Variants in KCNU1 observed in about 807,000 individuals in gnomAD.
The protein encoded by KCNU1 is potassium channel subfamily U member 1.
Under a neutral mutation model 126.8 loss-of-function variants are expected in KCNU1, and 93 were observed. The observed-to-expected ratio is 0.73, with a 90% CI of 0.62 to 0.87. The LOEUF (loss-of-function observed/expected upper bound fraction) is 0.87, where lower values mean the gene tolerates loss of function less well. KCNU1 is among the 40% of genes least tolerant of loss of function. KCNU1 has a pLI of 0.00. For synonymous variants in KCNU1, 523 were observed against 494.2 expected (o/e 1.06, Z -0.77); for missense variants, 1,330 against 1,367.1 (o/e 0.97, Z 0.43).
In KCNU1 at chr8:36,815,304, T is replaced by TCAAAAA. The variant is rs1418364423; in HGVS notation, c.904-274_904-269dup. 5.9e-5 allele frequency among the ~76,000 whole-genome samples: 9 copies of TCAAAAA among 152,198 alleles called. No individual in the cohort carries two copies. In the East Asian group the frequency reaches 1.2e-3, roughly 20 times the overall value. ...CCGGGAGACAGACAGAGACTCTGTC[T>TCAAAAA]CAAAAACAAAAACAAAAACAAAAGT... is the stretch of plus-strand genomic sequence containing the variant. On this transcript the variant is annotated intron_variant, in intron 8 of 26. Coordinates refer to ENST00000399881, the MANE Select transcript of KCNU1 (RefSeq NM_001031836.3).
intron 22 of KCNU1, among the ~76,000 whole-genome samples, chr8:36,917,790 C>T (rs952868045): frequency 9.2e-5 from 14 of 152,136 alleles, no homozygotes; most frequent in Non-Finnish European, 8.8e-5. Flanking sequence ...GTTTTGGGGT[C>T]GAGTCTCACA....
At chr8:36,809,050 T>C (rs1330452686) in intron 7 of KCNU1, among the ~76,000 whole-genome samples, 1 of 152,124 alleles carries the variant, frequency 6.6e-6, no homozygotes, top group Non-Finnish European at 1.5e-5. Flanking sequence ...GCTCCAAAGG[T>C]ATCAGCAATA....
chr8:36,884,024 A>G (rs1221340089), intron 19 of KCNU1, among the ~76,000 whole-genome samples: 1 of 152,188 alleles, frequency 6.6e-6, no homozygotes, highest in Non-Finnish European at 1.5e-5. Flanking sequence ...ACTTTGACCC[A>G]GAGTGACCTG....
chr8:36,879,361 G>T (rs930031089), intron 19 of KCNU1, among the ~76,000 whole-genome samples: 6 of 151,504 alleles, frequency 4.0e-5, no homozygotes, highest in Non-Finnish European at 8.8e-5. Context: ...GTACTCAGTG[G>T]TATAGCACAC....
chr8:36,805,089 A>G, intron 3 of KCNU1, 106 bp from the exon 4 acceptor site: 2 of 687,158 alleles, frequency 2.9e-6, no homozygotes, highest in Non-Finnish European at 5.0e-6. Flanking sequence ...GTCTGGATTC[A>G]TGGTGAATAA....
At chr8:36,835,038 G>T (rs774339559) in intron 12 of KCNU1, among the ~76,000 whole-genome samples, 170 bp downstream of exon 12, 3 of 152,160 alleles carry the variant, frequency 2.0e-5, no homozygotes, top group Admixed American at 6.6e-5. Context: ...CTGTGCAGAT[G>T]GATGCAAAAG....
At chr8:36,796,475 G>A (rs976960967) in intron 2 of KCNU1, among the ~76,000 whole-genome samples, 8 of 152,042 alleles carry the variant, frequency 5.3e-5, no homozygotes, top group African/African-American at 1.9e-4. Context: ...TAATTTTTTA[G>A]TTTTATTGAC....
intron 22 of KCNU1, 62 bp from the exon 23 acceptor site, chr8:36,918,761 C>A (rs1377485804): frequency 1.0e-6 from 1 of 981,734 alleles, no homozygotes; most frequent in Non-Finnish European, 1.6e-6. Flanking sequence ...TATTCTTCTA[C>A]ATTTTTGACA....
At chr8:36,888,395 C>G (rs553829341) in intron 19 of KCNU1, 3 of 365,754 alleles carry the variant, frequency 8.2e-6, no homozygotes, top group Admixed American at 7.6e-5. Flanking sequence ...CTCCCTCCCC[C>G]ACAACACCAC....
At chr8:36,879,512 G>A (rs1040708575) in intron 19 of KCNU1, among the ~76,000 whole-genome samples, 4 of 151,866 alleles carry the variant, frequency 2.6e-5, no homozygotes, top group African/African-American at 4.8e-5. Flanking sequence ...TTTGATATGC[G>A]TTGTGCTTTC....
chr8:36,852,653 C>T (rs960050095), intron 18 of KCNU1, among the ~76,000 whole-genome samples: 3 of 151,994 alleles, frequency 2.0e-5, no homozygotes, highest in East Asian at 1.9e-4. Flanking sequence ...TACATCTAAT[C>T]GTATGAGTAT....
Position 36,807,444 on chromosome 8 carries a change from A to C in KCNU1, c.650A>C (p.Lys217Thr). The change falls in exon 6 of 27, where the codon AAG becomes ACG. Residue 217 changes from lysine to threonine, a missense_variant. By Grantham distance (78) the Lys-to-Thr change is moderately conservative. This residue lies in a region of KCNU1 where 247 missense variants were observed against 255.4 expected (regional missense o/e 0.97). Coordinates refer to ENST00000399881, the MANE Select transcript of KCNU1 (RefSeq NM_001031836.3). ...ATCTTGCAAATTCTACGAGCCATCA[A>C]GACCAGGTAAATAGCCCTGACCGAA... is the stretch of plus-strand genomic sequence containing the variant. ...PQILQILRAI[K>T]TSNSVKFSKL... The C allele has an allele frequency of 6.2e-7, 1 of 1,611,544 alleles. No individual in the cohort carries two copies. Among genetic ancestry groups the C allele is most frequent in the South Asian group, 1.1e-5 (1 of 91,040 alleles).
At chr8:36,841,998 T>C (rs1189898966) in intron 16 of KCNU1, among the ~76,000 whole-genome samples, 2 of 148,016 alleles carry the variant, frequency 1.4e-5, no homozygotes, top group East Asian at 2.0e-4. Context: ...AGAAAAGGGG[T>C]GGGGCTTAAA....
intron 22 of KCNU1, among the ~76,000 whole-genome samples, chr8:36,918,458 G>A (rs1385438266): frequency 4.0e-5 from 6 of 151,620 alleles, no homozygotes; most frequent in Admixed American, 3.3e-4. Flanking sequence ...AGGAGGCTGA[G>A]GCAGCAGGAT....
intron 2 of KCNU1, among the ~76,000 whole-genome samples, chr8:36,793,565 C>T (rs572089543): frequency 5.8e-4 from 88 of 151,946 alleles, no homozygotes; most frequent in African/African-American, 2.1e-3. Flanking sequence ...TTTTTGGTTT[C>T]TTGCACCTAT....
intron 2 of KCNU1, among the ~76,000 whole-genome samples, chr8:36,788,974 A>T (rs1418787744): frequency 6.6e-6 from 1 of 152,232 alleles, no homozygotes; most frequent in African/African-American, 2.4e-5. Context: ...GACTTATTTA[A>T]TGAAGGGAAA....
At chr8:36,888,310 G>A (rs1806797667) in intron 19 of KCNU1, among the ~76,000 whole-genome samples, 1 of 152,092 alleles carries the variant, frequency 6.6e-6, no homozygotes, top group South Asian at 2.1e-4. Flanking sequence ...CACAGTAACA[G>A]AAATAGAAAA....
At chr8:36,850,559 A>C (rs1044052415) in intron 18 of KCNU1, among the ~76,000 whole-genome samples, 1 of 151,198 alleles carries the variant, frequency 6.6e-6, no homozygotes, top group African/African-American at 2.4e-5. Context: ...TGGGTTCAGG[A>C]GATCCTCCTG....
At chr8:36,798,365 G>C (rs1803182464) in intron 2 of KCNU1, among the ~76,000 whole-genome samples, 1 of 152,166 alleles carries the variant, frequency 6.6e-6, no homozygotes, top group South Asian at 2.1e-4. Context: ...GAAGAAGAAA[G>C]TCAAAATATT....
Sources: allele counts gnomAD v4.1 joint callset (sites outside exome capture counted in the v4.1 genomes callset), GRCh38; gene constraint gnomAD v4.1.1; regional missense constraint gnomAD v4.1.1; transcripts MANE v1.5; gene names NCBI Gene and HGNC (gene_info 2026-07-23, HGNC 2026-07-21).